IRF6: variants seen among roughly 807,000 people sequenced by gnomAD.
The protein encoded by IRF6 is Van der Woude syndrome.
In IRF6, 6 loss-of-function variants were observed where a neutral mutation model predicts 51.4. That is an observed-to-expected ratio of 0.12 (90% confidence interval 0.06 to 0.23). The LOEUF is 0.23. Among genes scored for constraint, IRF6 ranks in the 10% least tolerant of loss-of-function variants. The pLI, the probability that IRF6 is intolerant of heterozygous loss-of-function variation, is 1.00. For synonymous variants in IRF6, 178 were observed against 215.7 expected, an observed-to-expected ratio of 0.83 and a Z score of 1.53; for missense variants, 348 against 585.2, an observed-to-expected ratio of 0.59 and a Z score of 4.18.
intron 1 of IRF6, among the ~76,000 whole-genome samples, chr1:209,805,744 C>G (rs1478341181): frequency 6.7e-6 from 1 of 148,622 alleles, no homozygotes; most frequent in Admixed American, 6.7e-5. Flanking sequence ...TCGAGAGGGG[C>G]CTAGCGCTAC....
chr1:209,801,548 A>G, intron 2 of IRF6, 132 bp from the exon 3 acceptor site: 1 of 727,034 alleles, frequency 1.4e-6, no homozygotes, highest in Non-Finnish European at 2.2e-6. Context: ...TAAATATGGG[A>G]ATAAGCTGTG....
intron 1 of IRF6, among the ~76,000 whole-genome samples, chr1:209,804,001 T>C (rs2077959428): frequency 6.6e-6 from 1 of 152,166 alleles, no homozygotes; most frequent in Non-Finnish European, 1.5e-5. Context: ...TGCAACAAAA[T>C]ATTTGTAATG....
At chr1:209,798,522 C>T (rs1287266336) in intron 3 of IRF6, among the ~76,000 whole-genome samples, 6 of 152,210 alleles carry the variant, frequency 3.9e-5, no homozygotes, top group Non-Finnish European at 1.5e-5. Context: ...CCTTCCTGCT[C>T]ACCACACAGC....
chr1:209,789,724 G>A lies in IRF6; in HGVS notation c.1122C>T (p.Cys374=), dbSNP rs1237045278. 5.0e-6 allele frequency: 8 copies of A among 1,614,042 alleles called. No individual in the cohort carries two copies. The highest frequency in any genetic ancestry group is 6.8e-6 in the Non-Finnish European group (8 of 1,180,020). ...EKQPPFEIYL[C]FGEEWPDGKP... is the part of the protein sequence containing the mutation. ...TCCCATCTGGCCATTCTTCCCCAAA[G>A]CATAAGTAGATCTCAAACGGTGGCT... is the stretch of plus-strand genomic sequence containing the variant. The change falls in exon 8 of 9, where the codon TGC becomes TGT. Residue 374 remains cysteine (C), a synonymous_variant. Coordinates refer to ENST00000367021, the MANE Select transcript of IRF6 (RefSeq NM_006147.4).
Position 209,788,355 on chromosome 1 carries a change from A to C in IRF6, c.*65T>G. The C allele has an allele frequency of 9.0e-7, 1 of 1,110,322 alleles. No individual in the cohort carries two copies. Among genetic ancestry groups the C allele is most frequent in the Non-Finnish European group, 1.4e-6 (1 of 739,906 alleles). The allele number at this position is 1,110,322 out of a possible 1,614,324, so 68.8% of individuals were successfully genotyped here. On this transcript the variant is annotated 3_prime_UTR_variant, in exon 9 of 9. Coordinates refer to ENST00000367021, the MANE Select transcript of IRF6 (RefSeq NM_006147.4). The stretch of plus-strand genomic sequence containing the variant: ...AGAGATTTAAAAGCTGGTTAAATCT[A>C]AACAATAAAAAAATCCATATGTACA...
chr1:209,793,666 C>T (rs2077882876), intron 5 of IRF6, among the ~76,000 whole-genome samples: 1 of 152,110 alleles, frequency 6.6e-6, no homozygotes, highest in African/African-American at 2.4e-5. Context: ...ATTTCGTCAC[C>T]TAGTTAATAA....
intron 3 of IRF6, among the ~76,000 whole-genome samples, chr1:209,799,275 C>A (rs896961319): frequency 2.6e-5 from 4 of 152,046 alleles, no homozygotes; most frequent in African/African-American, 9.7e-5. Context: ...TCAGAAAGGG[C>A]AGTATAATGG....
chr1:209,792,481 T>C lies in IRF6; in HGVS notation c.509-54A>G, dbSNP rs2077875346. 5 of 1,591,174 alleles carry C rather than the reference T, an allele frequency of 3.1e-6. No individual in the cohort carries two copies. In the Admixed American group the frequency reaches 8.4e-5, roughly 27 times the overall value. On this transcript the variant is annotated intron_variant, in intron 5 of 8. Transcript: ENST00000367021. ...AGGGGTACCACACGTGCACATCACT[T>C]GCTGATGCTCTGAGAACTCACAAGG...
rs546618317 is a variant in IRF6 at position 209,796,321 on chromosome 1, C to T, written c.379+27G>A. 1.1e-5 allele frequency: 18 copies of T among 1,602,338 alleles called. No homozygotes were observed. In the African/African-American group the frequency reaches 2.1e-4, roughly 19 times the overall value. ...AGCCCAGAATCTGGCATGCTGCCCA[C>T]CTTCTCCCCAGCACCTGGGGCCTCA... On this transcript the variant is annotated intron_variant, in intron 4 of 8. Coordinates refer to ENST00000367021, the MANE Select transcript of IRF6 (RefSeq NM_006147.4). This position sits in a 1 kb window ranked among gnomAD's most constrained non-coding sequence, Gnocchi z 4.5.
intron 1 of IRF6, among the ~76,000 whole-genome samples, chr1:209,803,774 C>T (rs1248206020): frequency 4.6e-5 from 7 of 152,304 alleles, no homozygotes; most frequent in Middle Eastern, 3.4e-3. Flanking sequence ...ACATTCATTA[C>T]GTCACAACCA....
At chr1:209,800,689 G>C (rs2077935354) in intron 3 of IRF6, among the ~76,000 whole-genome samples, 1 of 152,152 alleles carries the variant, frequency 6.6e-6, no homozygotes, top group South Asian at 2.1e-4. Context: ...AGCCTAGGAG[G>C]TCAGGGCTGC....
In IRF6 at chr1:209,792,322, G is replaced by T; in HGVS notation, c.614C>A (p.Ala205Glu). 6.2e-7 allele frequency: 1 copy of T among 1,614,110 alleles called. No individual in the cohort carries two copies. The highest frequency in any genetic ancestry group is 8.5e-7 in the Non-Finnish European group (1 of 1,179,914). Residue 205 changes from alanine (A) to glutamate (E), a missense_variant, in exon 6 of 9, where the codon GCA becomes GAA. Physicochemically the swap from Ala to Glu is moderately radical, Grantham distance 107. This residue lies in a region of IRF6 where 124 missense variants were observed against 141.6 expected (regional missense o/e 0.88). Transcript: ENST00000367021. ...AGAGCTATAGAAGGGCTGTATAGGTGCCTGGGGTACTTCCATCTCCAGGGG... is the reference window on the plus strand; with the variant it reads ...AGAGCTATAGAAGGGCTGTATAGGTTCCTGGGGTACTTCCATCTCCAGGGG... Reference protein sequence around the residue: ...TEPLEMEVPQAPIQPFYSSPE... With the variant: ...TEPLEMEVPQEPIQPFYSSPE...
chr1:209,800,412 C>A (rs981303106), intron 3 of IRF6, among the ~76,000 whole-genome samples: 2 of 152,160 alleles, frequency 1.3e-5, no homozygotes, highest in African/African-American at 4.8e-5. Flanking sequence ...GTAATTAAAT[C>A]ACCTTTGATT....
In IRF6 at chr1:209,788,771, T is replaced by C. The variant is rs151191615; in HGVS notation, c.1180-127A>G. ...AAGACCCCATTCTGATGTCTAAATATAGGATATGCCTTCATCTCTCTGGAC... is the reference window on the plus strand; with the variant it reads ...AAGACCCCATTCTGATGTCTAAATACAGGATATGCCTTCATCTCTCTGGAC... On this transcript the variant is annotated intron_variant, in intron 8 of 8. Transcript: ENST00000367021. 4.9e-4 allele frequency: 361 copies of C among 734,090 alleles called. No individual in the cohort carries two copies. In the African/African-American group the frequency reaches 5.2e-3, roughly 11 times the overall value. 45.5% of individuals were successfully genotyped at this position (734,090 alleles called of 1,614,324 possible).
rs1359914147 is a variant in IRF6, at chr1:209,790,299, G to GA, written c.1060+195dup. On this transcript the variant is annotated intron_variant, in intron 7 of 8. Coordinates refer to ENST00000367021, the MANE Select transcript of IRF6 (RefSeq NM_006147.4). The surrounding 1 kb of genome is among the most constrained non-coding windows in gnomAD (Gnocchi z 4.8). Reference sequence around the variant, plus strand: ...GCTTCCAAGTACATAGCTTTGGAGTGAAACTCCCTTCTTTGTTGCCTAGGT... The same window carrying GA: ...GCTTCCAAGTACATAGCTTTGGAGTGAAAACTCCCTTCTTTGTTGCCTAGGT... Among the ~76,000 whole-genome samples the GA allele has an allele frequency of 6.6e-6, 1 of 152,218 alleles. No individual in the cohort carries two copies. Among genetic ancestry groups the GA allele is most frequent in the Non-Finnish European group, 1.5e-5 (1 of 68,046 alleles).
chr1:209,805,780 C>G (rs889205311), intron 1 of IRF6, among the ~76,000 whole-genome samples, 167 bp downstream of exon 1: 6 of 152,096 alleles, frequency 3.9e-5, no homozygotes, highest in Non-Finnish European at 5.9e-5. Flanking sequence ...CCAAAGCTAT[C>G]TGGAAAAGGG....
chr1:209,797,445 G>A (rs1176124406), intron 3 of IRF6, among the ~76,000 whole-genome samples: 1 of 151,682 alleles, frequency 6.6e-6, no homozygotes, highest in East Asian at 1.9e-4. Flanking sequence ...CACACTGGGG[G>A]TTCAGCTTGT....
At chr1:209,798,375 T>TGCCCACGCTAACTCTGGCC (rs1298595126) in intron 3 of IRF6, among the ~76,000 whole-genome samples, 5 of 152,238 alleles carry the variant, frequency 3.3e-5, no homozygotes, top group African/African-American at 1.2e-4. Context: ...ATCCTCTGTG[T>TGCCCACGCTAACTCTGGCC]GCCCACGCTA....
At chr1:209,791,016 A>T (rs1306342755) in intron 6 of IRF6, 129 bp from the exon 7 acceptor site, 2 of 1,574,948 alleles carry the variant, frequency 1.3e-6, no homozygotes, top group Non-Finnish European at 1.7e-6. Context: ...TGCCATAGTT[A>T]TCCTTCCTGC....
Sources: allele counts gnomAD v4.1 joint callset (sites outside exome capture counted in the v4.1 genomes callset), GRCh38; gene constraint gnomAD v4.1.1; regional missense constraint gnomAD v4.1.1; non-coding constraint Gnocchi (gnomAD v3.1); transcripts MANE v1.5; gene names NCBI Gene and HGNC (gene_info 2026-07-23, HGNC 2026-07-21).